The following CPA6 variants were observed in gnomAD, a reference collection of about 807,000 sequenced individuals.
The protein encoded by CPA6 is carboxypeptidase A6.
A neutral mutation model predicts 63.3 loss-of-function variants in CPA6; 58 were observed. That is an observed-to-expected ratio of 0.92 (90% CI 0.74 to 1.14). The LOEUF is 1.14. Ranked by LOEUF, CPA6 falls within the 50% of genes most tolerant of loss-of-function variation. CPA6 has a pLI of 0.00. For synonymous variants in CPA6, 185 were observed against 179.0 expected (o/e 1.03, Z -0.27); for missense variants, 565 against 526.6 (o/e 1.07, Z -0.71).
At chr8:67,732,893 T>C (rs927107763) in intron 1 of CPA6, among the ~76,000 whole-genome samples, 6 of 151,990 alleles carry the variant, frequency 3.9e-5, no homozygotes, top group African/African-American at 1.4e-4. Flanking sequence ...TCCTCAACAG[T>C]GGTTCTCAAA....
chr8:67,567,288 G>C (rs1302776463), intron 2 of CPA6, among the ~76,000 whole-genome samples: 3 of 152,160 alleles, frequency 2.0e-5, no homozygotes, highest in African/African-American at 4.8e-5. Context: ...ATGCAGTTTT[G>C]AGATGTCCTC....
intron 8 of CPA6, among the ~76,000 whole-genome samples, chr8:67,471,436 G>A (rs1329389276): frequency 6.6e-6 from 1 of 151,906 alleles, no homozygotes; most frequent in African/African-American, 2.4e-5. Context: ...TATATAAAAT[G>A]CATTTGGTAT....
intron 1 of CPA6, among the ~76,000 whole-genome samples, chr8:67,739,266 A>G (rs1019390537): frequency 2.0e-5 from 3 of 152,342 alleles, no homozygotes; most frequent in African/African-American, 7.2e-5. Flanking sequence ...GGAGGCCCCA[A>G]CACACAGAAC....
chr8:67,708,609 T>A (rs988032288), intron 1 of CPA6, among the ~76,000 whole-genome samples: 1 of 152,148 alleles, frequency 6.6e-6, no homozygotes, highest in Non-Finnish European at 1.5e-5. Context: ...ATCAGAGGAA[T>A]GCAACAGAGG....
intron 2 of CPA6, among the ~76,000 whole-genome samples, chr8:67,548,158 T>G (rs1812862071): frequency 9.0e-6 from 1 of 111,644 alleles, no homozygotes; most frequent in Non-Finnish European, 1.7e-5. Flanking sequence ...CCTCTCATCC[T>G]TCCTTTCCTT....
chr8:67,651,597 C>G (rs187078128), intron 1 of CPA6, among the ~76,000 whole-genome samples: 14 of 152,198 alleles, frequency 9.2e-5, no homozygotes, highest in African/African-American at 3.1e-4. Context: ...GAAACACACT[C>G]ATTGTATTCT....
At chr8:67,573,716 C>A (rs1366799829) in intron 2 of CPA6, among the ~76,000 whole-genome samples, 1 of 151,370 alleles carries the variant, frequency 6.6e-6, no homozygotes, top group Non-Finnish European at 1.5e-5. Context: ...CACGGTGAAA[C>A]CCTGTCTCTA....
At chr8:67,542,750 A>G (rs1298113312) in intron 2 of CPA6, among the ~76,000 whole-genome samples, 1 of 152,224 alleles carries the variant, frequency 6.6e-6, no homozygotes, top group Non-Finnish European at 1.5e-5. Flanking sequence ...AAGCCAAGCA[A>G]GGCACAGAGG....
At chr8:67,684,033 TTTTTA>T (rs1816655364) in intron 1 of CPA6, among the ~76,000 whole-genome samples, 1 of 128,162 alleles carries the variant, frequency 7.8e-6, no homozygotes, top group Admixed American at 7.6e-5. Context: ...ATATATATAA[TTTTTA>T]TTTTATTTAT....
intron 1 of CPA6, among the ~76,000 whole-genome samples, chr8:67,713,075 G>C (rs1424905657): frequency 1.2e-5 from 1 of 81,064 alleles, no homozygotes; most frequent in East Asian, 4.2e-4. Flanking sequence ...GTGTGTATCT[G>C]TGTGTGTATG....
chr8:67,733,936 G>A (rs966108424), intron 1 of CPA6, among the ~76,000 whole-genome samples: 5 of 150,964 alleles, frequency 3.3e-5, no homozygotes, highest in African/African-American at 7.3e-5. Context: ...GCGCAGTGGT[G>A]CAATCATGGC....
chr8:67,626,097 G>A (rs1279144278), intron 1 of CPA6, among the ~76,000 whole-genome samples: 1 of 152,172 alleles, frequency 6.6e-6, no homozygotes, highest in Non-Finnish European at 1.5e-5. Context: ...ATGATTGTAA[G>A]TTTCCTGAGG....
intron 6 of CPA6, among the ~76,000 whole-genome samples, chr8:67,493,142 T>C (rs1486641521): frequency 6.6e-6 from 1 of 152,202 alleles, no homozygotes; most frequent in African/African-American, 2.4e-5. Context: ...AGATACTTGA[T>C]CTGGGCTTAG....
At chr8:67,715,931 A>C (rs1390914787) in intron 1 of CPA6, among the ~76,000 whole-genome samples, 2 of 152,112 alleles carry the variant, frequency 1.3e-5, no homozygotes, top group African/African-American at 2.4e-5. Context: ...AGACGGGTGG[A>C]TCACCTAAGG....
At chr8:67,434,452 C>T (rs779209758) in intron 8 of CPA6, among the ~76,000 whole-genome samples, 7 of 152,182 alleles carry the variant, frequency 4.6e-5, no homozygotes, top group African/African-American at 7.2e-5. Context: ...GAATAGAAAC[C>T]AGGTAGTGAT....
intron 1 of CPA6, among the ~76,000 whole-genome samples, chr8:67,733,057 G>A (rs890658146): frequency 3.3e-5 from 5 of 151,768 alleles, no homozygotes; most frequent in East Asian, 3.9e-4. Flanking sequence ...TTAGCCAGGT[G>A]TGGTGGCGGG....
chr8:67,738,183 A>G (rs1017416054), intron 1 of CPA6, among the ~76,000 whole-genome samples: 12 of 152,194 alleles, frequency 7.9e-5, no homozygotes, highest in African/African-American at 2.9e-4. Context: ...AGTTATCTCT[A>G]ACATGTTCTC....
chr8:67,575,451 C>G (rs535433780), intron 2 of CPA6, among the ~76,000 whole-genome samples: 1 of 152,322 alleles, frequency 6.6e-6, no homozygotes, highest in East Asian at 1.9e-4. Flanking sequence ...CATTGCAGCC[C>G]TATTCACAAT....
At position 67,428,072 on chromosome 8, in the gene CPA6, T is replaced by A. The variant is rs374562266; in HGVS notation, c.1101A>T (p.Arg367Ser). Residue 367 changes from arginine (R) to serine (S), a missense_variant, in exon 10 of 11, where the codon AGA becomes AGT. Coordinates refer to ENST00000297770, the MANE Select transcript of CPA6 (RefSeq NM_020361.5). ...ACAACGTTGTGGAGGCTGGTCCATA[T>A]CTGTATCGTACCCCGTATACTGACT... ...ALQSVYGVRY[R>S]YGPASTTLYV... The A allele has an allele frequency of 1.7e-5, 28 of 1,612,764 alleles. No homozygotes were observed. The East Asian group carries it at 4.0e-4, about 23-fold the overall frequency.
Sources: allele counts gnomAD v4.1 joint callset (sites outside exome capture counted in the v4.1 genomes callset), GRCh38; gene constraint gnomAD v4.1.1; transcripts MANE v1.5; gene names NCBI Gene and HGNC (gene_info 2026-07-23, HGNC 2026-07-21).